The following LRBA variants were observed in gnomAD, a reference collection of about 807,000 sequenced individuals.
The protein encoded by LRBA is lipopolysaccharide-responsive and beige-like anchor protein.
Under a neutral mutation model 330.0 loss-of-function variants are expected in LRBA, and 176 were observed. The observed-to-expected ratio is 0.53, with a 90% CI of 0.47 to 0.60. The LOEUF is 0.60. LRBA is among the 20% of genes least tolerant of loss of function. The probability of loss-of-function intolerance (pLI) is 0.00; values close to 1 mark genes in which losing one functional copy is unlikely to be tolerated. For missense variants in LRBA, 3,259 were observed against 3,444.8 expected, an observed-to-expected ratio of 0.95 and a Z score of 1.35; for synonymous variants, 1,230 against 1,193.0, an observed-to-expected ratio of 1.03 and a Z score of -0.64.
intron 40 of LRBA, among the ~76,000 whole-genome samples, chr4:150,505,712 G>T (rs1299376110): frequency 1.3e-5 from 2 of 151,938 alleles, no homozygotes; most frequent in Non-Finnish European, 2.9e-5. Flanking sequence ...CTAGCAGAAG[G>T]CAAGAAATAA....
chr4:150,408,579 A>G (rs1746520785), intron 47 of LRBA, among the ~76,000 whole-genome samples: 1 of 152,158 alleles, frequency 6.6e-6, no homozygotes, highest in Non-Finnish European at 1.5e-5. Flanking sequence ...TCAGATGAGG[A>G]TATCACAAAA....
At chr4:150,830,897 G>C (rs1289963) in intron 29 of LRBA, among the ~76,000 whole-genome samples, 13,524 of 151,332 alleles carry the variant, frequency 0.089, 1,049 homozygotes, top group African/African-American at 0.2. Context: ...CTAAGTAGCT[G>C]GGATTACAGG....
In LRBA at chr4:151,001,253, G is replaced by A. The variant is rs372174449; in HGVS notation, c.216+13174C>T. On this transcript the variant is annotated intron_variant, in intron 2 of 56. Coordinates refer to ENST00000651943, the MANE Select transcript of LRBA (RefSeq NM_001364905.1). ...AGGCACAAGCGGGGCATGTGTCCCC[G>A]ACCGCCGACCTAGGCTGCCACCATT... 6.6e-5 allele frequency among the ~76,000 whole-genome samples: 10 copies of A among 152,194 alleles called. No individual in the cohort carries two copies. The South Asian group carries it at 8.3e-4, about 13-fold the overall frequency.
chr4:151,002,310 T>C (rs1450131030), intron 2 of LRBA, among the ~76,000 whole-genome samples: 2 of 150,912 alleles, frequency 1.3e-5, no homozygotes, highest in Non-Finnish European at 2.9e-5. Context: ...CTCATGCCTG[T>C]AATCCCAGCA....
Position 150,277,955 on chromosome 4 carries a change from C to G in LRBA, c.8366G>C (p.Arg2789Thr). Reference sequence around the variant, plus strand: ...CACCTGCCGGACCACGACCACTCCTCTGTCTCCTCCTGTGAGCAGGTACTG... The same window carrying G: ...CACCTGCCGGACCACGACCACTCCTGTGTCTCCTCCTGTGAGCAGGTACTG... ...DGQYLLTGGD[R>T]GVVVVRQVSD... The change falls in exon 56 of 57, where the codon AGA becomes ACA. Residue 2789 changes from arginine to threonine, a missense_variant. Arg to Thr is a moderately conservative substitution (Grantham distance 71). Coordinates refer to ENST00000651943, the MANE Select transcript of LRBA (RefSeq NM_001364905.1). The G allele has an allele frequency of 6.2e-7, 1 of 1,614,166 alleles. No homozygotes were observed. The highest frequency in any genetic ancestry group is 1.1e-5 in the South Asian group (1 of 91,082).
chr4:150,990,335 A>G (rs145209998), intron 2 of LRBA, among the ~76,000 whole-genome samples: 281 of 152,338 alleles, frequency 1.8e-3, no homozygotes, highest in African/African-American at 6.1e-3. Flanking sequence ...GTGGTAGTCT[A>G]TATTTATCAT....
intron 39 of LRBA, among the ~76,000 whole-genome samples, chr4:150,589,358 C>T (rs1243616952): frequency 4.6e-5 from 7 of 152,082 alleles, no homozygotes; most frequent in Non-Finnish European, 8.8e-5. Context: ...GGATGCTCTG[C>T]GGAGATCAGA....
chr4:150,516,555 T>C (rs1040332997), intron 40 of LRBA, among the ~76,000 whole-genome samples: 1 of 151,974 alleles, frequency 6.6e-6, no homozygotes, highest in Non-Finnish European at 1.5e-5. Context: ...TACTATAATA[T>C]ACAATACTTA....
At chr4:150,701,225 T>C (rs558693165) in intron 36 of LRBA, among the ~76,000 whole-genome samples, 1 of 152,286 alleles carries the variant, frequency 6.6e-6, no homozygotes, top group East Asian at 1.9e-4. Context: ...TGCATGGAGC[T>C]CTCATCTCCT....
chr4:150,587,701 A>T (rs1772292975), intron 40 of LRBA, among the ~76,000 whole-genome samples: 1 of 151,670 alleles, frequency 6.6e-6, no homozygotes, highest in Non-Finnish European at 1.5e-5. Context: ...AAGGCTAAAC[A>T]AAATAATTCC....
chr4:150,270,751 G>A (rs894393442), intron 56 of LRBA, among the ~76,000 whole-genome samples: 1 of 152,114 alleles, frequency 6.6e-6, no homozygotes, highest in African/African-American at 2.4e-5. Context: ...AGATAAAGAT[G>A]ATCCCCCCAA....
chr4:150,302,877 T>C (rs1466914900), intron 52 of LRBA, 85 bp from the exon 53 acceptor site: 10 of 955,688 alleles, frequency 1.0e-5, no homozygotes, highest in Non-Finnish European at 1.5e-5. Flanking sequence ...ACAACGAAGC[T>C]ATATGAACTC....
intron 40 of LRBA, among the ~76,000 whole-genome samples, chr4:150,548,262 T>C (rs1027019928): frequency 6.6e-6 from 1 of 152,090 alleles, no homozygotes; most frequent in Non-Finnish European, 1.5e-5. Context: ...CCCAAACCAC[T>C]CTTTGTTAGG....
intron 44 of LRBA, among the ~76,000 whole-genome samples, chr4:150,446,852 T>A (rs896128002): frequency 3.3e-5 from 5 of 152,208 alleles, no homozygotes; most frequent in African/African-American, 1.2e-4. Flanking sequence ...GGGATAGTCA[T>A]CAACATAGAG....
At chr4:150,468,188 A>G (rs1159946241) in intron 43 of LRBA, among the ~76,000 whole-genome samples, 1 of 152,082 alleles carries the variant, frequency 6.6e-6, no homozygotes, top group Non-Finnish European at 1.5e-5. Flanking sequence ...CAGTTTTTCA[A>G]AACAAGAATC....
chr4:150,828,046 T>C, intron 30 of LRBA, 134 bp downstream of exon 30: 1 of 676,854 alleles, frequency 1.5e-6, no homozygotes, highest in Middle Eastern at 3.5e-4. Context: ...CATAAGCTAT[T>C]GGTAGTTAAG....
Position 150,858,768 on chromosome 4 carries a change from C to G in LRBA, c.2767-5825G>C, listed in dbSNP as rs147124949. 3.2e-3 allele frequency among the ~76,000 whole-genome samples: 488 copies of G among 152,244 alleles called. 25 individuals are homozygous for G. The East Asian group carries it at 0.089, about 28-fold the overall frequency. Reference sequence around the variant, plus strand: ...GTCTCAAACTCTGGCCTCAAGTGATCCACCTGCCTCAGCCTCCCAAAGTGC... The same window carrying G: ...GTCTCAAACTCTGGCCTCAAGTGATGCACCTGCCTCAGCCTCCCAAAGTGC... On this transcript the variant is annotated intron_variant, in intron 22 of 56. Coordinates refer to ENST00000651943, the MANE Select transcript of LRBA (RefSeq NM_001364905.1).
At chr4:150,963,217 G>C (rs773235029) in intron 2 of LRBA, among the ~76,000 whole-genome samples, 3 of 147,006 alleles carry the variant, frequency 2.0e-5, no homozygotes, top group Non-Finnish European at 2.9e-5. Context: ...CCCTTTGCAC[G>C]GTCTCCCTCT....
chr4:150,952,363 G>C (rs1736929360), intron 2 of LRBA, among the ~76,000 whole-genome samples: 2 of 152,122 alleles, frequency 1.3e-5, no homozygotes, highest in Non-Finnish European at 1.5e-5. Flanking sequence ...GGGTGTGTGT[G>C]CTGCAAGAAG....
Sources: allele counts gnomAD v4.1 joint callset (sites outside exome capture counted in the v4.1 genomes callset), GRCh38; gene constraint gnomAD v4.1.1; transcripts MANE v1.5; gene names NCBI Gene and HGNC (gene_info 2026-07-23, HGNC 2026-07-21).